LARP4B: variants seen among roughly 807,000 people sequenced by gnomAD.
LARP4B encodes the protein La ribonucleoprotein 4B, also known as la-related protein 4B.
LARP4B carries 12 observed loss-of-function variants against 89.8 expected under a neutral mutation model. That is an observed-to-expected ratio of 0.13 (90% CI 0.09 to 0.22). LARP4B has a LOEUF of 0.22. Among genes scored for constraint, LARP4B ranks in the 10% least tolerant of loss-of-function variants. The probability of loss-of-function intolerance (pLI) is 1.00; values close to 1 mark genes in which losing one functional copy is unlikely to be tolerated. For synonymous variants in LARP4B, 367 were observed against 363.3 expected (o/e 1.01, Z -0.12); for missense variants, 757 against 947.7 (o/e 0.80, Z 2.64).
At chr10:896,651 T>C (rs1301701094) in intron 1 of LARP4B, among the ~76,000 whole-genome samples, 2 of 152,218 alleles carry the variant, frequency 1.3e-5, no homozygotes, top group Non-Finnish European at 2.9e-5. Context: ...TAATTGATTC[T>C]TGATACTTAA....
chr10:807,511 C>T (rs888005386), downstream of LARP4B: 9 of 152,448 alleles, frequency 5.9e-5, no homozygotes, highest in East Asian at 1.9e-4. Flanking sequence ...GCCCCAGGGC[C>T]TGGTGGTTGC....
intron 3 of LARP4B, among the ~76,000 whole-genome samples, chr10:874,556 G>T (rs1041465619): frequency 1.3e-5 from 2 of 152,162 alleles, no homozygotes. Flanking sequence ...CACATAATGG[G>T]TCTTGTCTTA....
At position 891,803 on chromosome 10, in the gene LARP4B, A is replaced by G. The variant is rs74118464; in HGVS notation, c.-39-6043T>C. The stretch of plus-strand genomic sequence containing the variant: ...GACAGTTTTTCAAAAAAGGCTTATA[A>G]AGTTTTCCAACAGAAGGGATTACTG... On this transcript the variant is annotated intron_variant, in intron 1 of 17. Transcript: ENST00000316157. Among the ~76,000 whole-genome samples, 394 of 152,346 alleles carry G rather than the reference A, an allele frequency of 2.6e-3. 3 individuals are homozygous for G. The highest frequency in any genetic ancestry group is 9.2e-3 in the African/African-American group (381 of 41,582).
At chr10:864,792 A>G (rs1834812036) in intron 3 of LARP4B, among the ~76,000 whole-genome samples, 1 of 152,162 alleles carries the variant, frequency 6.6e-6, no homozygotes, top group Non-Finnish European at 1.5e-5. Context: ...TGTCTCTACT[A>G]AAAATACAAA....
chr10:813,449 G>C (rs964156364), intron 17 of LARP4B, among the ~76,000 whole-genome samples: 1 of 152,230 alleles, frequency 6.6e-6, no homozygotes, highest in African/African-American at 2.4e-5. Flanking sequence ...TGACGAAGAA[G>C]AGTGCTGACT....
At chr10:837,038 T>C (rs894929758) in intron 7 of LARP4B, among the ~76,000 whole-genome samples, 5 of 152,168 alleles carry the variant, frequency 3.3e-5, no homozygotes, top group Non-Finnish European at 5.9e-5. Flanking sequence ...GGCTCAGAGG[T>C]GCCCACTGTC....
At chr10:963,865 C>G in the LARP4B span, among the ~76,000 whole-genome samples, 2 of 152,130 alleles carry the variant, frequency 1.3e-5, no homozygotes, top group Non-Finnish European at 2.9e-5. Flanking sequence ...GAGGGTGGAG[C>G]CCTTGTGACT....
At chr10:928,644 G>A (rs1195160769) in intron 1 of LARP4B, among the ~76,000 whole-genome samples, 1 of 152,154 alleles carries the variant, frequency 6.6e-6, no homozygotes, top group East Asian at 1.9e-4. Flanking sequence ...TGCAGTGGCA[G>A]GATCATGGCT....
chr10:893,006 G>A (rs894078989), intron 1 of LARP4B, among the ~76,000 whole-genome samples: 2 of 150,542 alleles, frequency 1.3e-5, no homozygotes, highest in African/African-American at 4.9e-5. Context: ...TGCCTCCCGG[G>A]CTCAGGCAAT....
chr10:884,812 C>CA (rs1270136810), intron 2 of LARP4B, among the ~76,000 whole-genome samples: 1 of 152,030 alleles, frequency 6.6e-6, no homozygotes, highest in South Asian at 2.1e-4. Context: ...CAAAAGTAGT[C>CA]AAAAAAATGT....
chr10:905,680 G>A (rs1367038157), intron 1 of LARP4B, among the ~76,000 whole-genome samples: 1 of 22,570 alleles, frequency 4.4e-5, no homozygotes, highest in Non-Finnish European at 1.1e-4. Context: ...TGAGGAGCAA[G>A]GGAGGAGCTG....
At chr10:807,473 T>A (rs1194096312), downstream of LARP4B, 2 of 152,320 alleles carry the variant, frequency 1.3e-5, no homozygotes, top group South Asian at 4.1e-4. Context: ...GTCTTCTGCA[T>A]CTGCATCTCC....
At chr10:950,956 C>T in the LARP4B span, among the ~76,000 whole-genome samples, 20 of 151,902 alleles carry the variant, frequency 1.3e-4, no homozygotes, top group Middle Eastern at 0.01. Flanking sequence ...AGCTTCTTTC[C>T]GTCCTTCCCG....
chr10:972,131 G>A, the LARP4B span: 6 of 221,442 alleles, frequency 2.7e-5, no homozygotes, highest in East Asian at 1.1e-4. Flanking sequence ...AGGTTCAAGC[G>A]ATTCTTCTGC....
the LARP4B span, among the ~76,000 whole-genome samples, chr10:948,148 C>G: frequency 6.6e-6 from 1 of 152,090 alleles, no homozygotes; most frequent in Admixed American, 6.6e-5. Context: ...GGCATGCATT[C>G]ATTCAGCTCA....
At chr10:931,045 C>T (rs1223721308) in intron 1 of LARP4B, among the ~76,000 whole-genome samples, 3 of 151,152 alleles carry the variant, frequency 2.0e-5, no homozygotes, top group Non-Finnish European at 4.4e-5. Flanking sequence ...GACCCCGGCC[C>T]GGTCTTCCGG....
At chr10:922,846 G>A (rs963418248) in intron 1 of LARP4B, among the ~76,000 whole-genome samples, 21 of 152,210 alleles carry the variant, frequency 1.4e-4, no homozygotes, top group African/African-American at 4.3e-4. Flanking sequence ...GCCAAGGCAG[G>A]CAGATTGCTT....
chr10:827,664 C>T (rs1037606012), intron 11 of LARP4B, among the ~76,000 whole-genome samples: 4 of 152,024 alleles, frequency 2.6e-5, no homozygotes, highest in African/African-American at 7.3e-5. Flanking sequence ...ATAAGCTGAC[C>T]CAGAACCCCA....
the LARP4B span, among the ~76,000 whole-genome samples, chr10:976,790 C>G: frequency 2.3e-4 from 34 of 150,790 alleles, no homozygotes; most frequent in Non-Finnish European, 3.4e-4. Context: ...GAATGTAGGC[C>G]TGTCATGTAA....
Sources: allele counts gnomAD v4.1 joint callset (sites outside exome capture counted in the v4.1 genomes callset), GRCh38; gene constraint gnomAD v4.1.1; transcripts MANE v1.5; gene names NCBI Gene and HGNC (gene_info 2026-07-23, HGNC 2026-07-21).